Variants in ADD1 observed in about 807,000 individuals in gnomAD.
The protein encoded by ADD1 is adducin 1.
In ADD1, 24 loss-of-function variants were observed where a neutral mutation model predicts 80.5. That is an observed-to-expected ratio of 0.30 (90% confidence interval 0.22 to 0.42). The LOEUF (loss-of-function observed/expected upper bound fraction) is 0.42, where lower values mean the gene tolerates loss of function less well. Among genes scored for constraint, ADD1 ranks in the 10% least tolerant of loss-of-function variants. The pLI, the probability that ADD1 is intolerant of heterozygous loss-of-function variation, is 1.00. For synonymous variants in ADD1, 373 were observed against 393.8 expected, an observed-to-expected ratio of 0.95 and a Z score of 0.63; for missense variants, 948 against 1,019.0, an observed-to-expected ratio of 0.93 and a Z score of 0.95.
At chr4:2,921,762 T>G (rs1336603307) in intron 14 of ADD1, among the ~76,000 whole-genome samples, 1 of 152,188 alleles carries the variant, frequency 6.6e-6, no homozygotes, top group Non-Finnish European at 1.5e-5. Flanking sequence ...CCTGTCACTT[T>G]CAGGCACACC....
At chr4:2,878,596 G>T (rs1293998868) in intron 2 of ADD1, among the ~76,000 whole-genome samples, 2 of 152,172 alleles carry the variant, frequency 1.3e-5, no homozygotes, top group Admixed American at 1.3e-4. Flanking sequence ...AGAGATAAGA[G>T]AGTAAAGTTC....
intron 6 of ADD1, among the ~76,000 whole-genome samples, chr4:2,895,821 C>T (rs1735098491): frequency 6.6e-6 from 1 of 152,176 alleles, no homozygotes; most frequent in Non-Finnish European, 1.5e-5. Flanking sequence ...CTTTTTATCA[C>T]CAATTTTATA....
chr4:2,917,806 CCA>C lies in ADD1; in HGVS notation c.1948+2767_1948+2768del, dbSNP rs533553338. Among the ~76,000 whole-genome samples, 487 of 152,252 alleles carry C rather than the reference CCA, an allele frequency of 3.2e-3. 1 individual carries two copies. Among genetic ancestry groups the C allele is most frequent in the African/African-American group, 0.011 (472 of 41,524 alleles). ...TCCTTTTCCCATTCCTTGTTTTTGTCCAGTTTGTCAAAGATCAGATGGTTGTA... is the reference window on the plus strand; with the variant it reads ...TCCTTTTCCCATTCCTTGTTTTTGTCGTTTGTCAAAGATCAGATGGTTGTA... On this transcript the variant is annotated intron_variant, in intron 14 of 15. Transcript: ENST00000683351.
intron 1 of ADD1, among the ~76,000 whole-genome samples, chr4:2,874,826 T>C (rs767924742): frequency 6.6e-6 from 1 of 152,216 alleles, no homozygotes; most frequent in Non-Finnish European, 1.5e-5. Flanking sequence ...TTCAGCAGCA[T>C]TGGTATCACT....
intron 14 of ADD1, among the ~76,000 whole-genome samples, chr4:2,918,439 T>C (rs1279215648): frequency 1.3e-5 from 2 of 152,208 alleles, no homozygotes; most frequent in Non-Finnish European, 2.9e-5. Flanking sequence ...TTTCCAAATA[T>C]ACAATCATGT....
chr4:2,912,880 T>C (rs781103952), intron 13 of ADD1, among the ~76,000 whole-genome samples: 1 of 152,190 alleles, frequency 6.6e-6, no homozygotes, highest in Admixed American at 6.5e-5. Flanking sequence ...AGTCTTGCTC[T>C]GTTGCCCAGG....
At chr4:2,870,004 C>T (rs973162497) in intron 1 of ADD1, among the ~76,000 whole-genome samples, 3 of 152,198 alleles carry the variant, frequency 2.0e-5, no homozygotes, top group African/African-American at 7.2e-5. Context: ...AGGCATTTTA[C>T]ACGGAGGCTT....
intron 9 of ADD1, chr4:2,902,807 A>C (rs982296398): frequency 2.0e-5 from 3 of 152,154 alleles, no homozygotes; most frequent in African/African-American, 7.2e-5. Flanking sequence ...CAGGTGGGTC[A>C]TGAGGTCAGG....
At chr4:2,850,409 G>C (rs949444116) in intron 1 of ADD1, among the ~76,000 whole-genome samples, 1 of 150,770 alleles carries the variant, frequency 6.6e-6, no homozygotes, top group African/African-American at 2.5e-5. Context: ...CTGGGAACAG[G>C]TGTGTGCCAC....
Position 2,895,122 on chromosome 4 carries a change from G to T in ADD1, c.741+391G>T, listed in dbSNP as rs371850728. Among the ~76,000 whole-genome samples the T allele has an allele frequency of 4.6e-5, 7 of 152,164 alleles. No individual in the cohort carries two copies. The East Asian group carries it at 1.4e-3, about 29-fold the overall frequency. ...AAAAAAAATTAAAAAATTAACCAGT[G>T]TGGTGCGTGCCTGTACTTCCAGCTA... On this transcript the variant is annotated intron_variant, in intron 6 of 15. Coordinates refer to ENST00000683351, the MANE Select transcript of ADD1 (RefSeq NM_001354761.2).
At chr4:2,907,937 G>T (rs1737336474) in intron 11 of ADD1, 93 bp downstream of exon 11, 5 of 957,942 alleles carry the variant, frequency 5.2e-6, no homozygotes, top group Non-Finnish European at 8.4e-6. Flanking sequence ...GCTTCTAGCA[G>T]AGGGCATCTG....
chr4:2,911,332 A>G (rs1224681710), intron 13 of ADD1, among the ~76,000 whole-genome samples: 1 of 152,132 alleles, frequency 6.6e-6, no homozygotes, highest in East Asian at 1.9e-4. Flanking sequence ...GCCTTCTGAT[A>G]GAAGAAGGAA....
intron 11 of ADD1, 121 bp downstream of exon 11, chr4:2,907,965 G>A: frequency 5.3e-6 from 4 of 759,762 alleles, no homozygotes; most frequent in Non-Finnish European, 9.3e-6. Flanking sequence ...TGCCACTGTT[G>A]CAGTGAAGCC....
At chr4:2,891,086 A>T (rs189127358) in intron 4 of ADD1, among the ~76,000 whole-genome samples, 1 of 151,790 alleles carries the variant, frequency 6.6e-6, no homozygotes. Context: ...AAAGTTTGGG[A>T]CCAGCTTGGG....
chr4:2,927,082 A>T (rs1711847749), intron 15 of ADD1, among the ~76,000 whole-genome samples: 1 of 152,218 alleles, frequency 6.6e-6, no homozygotes, highest in African/African-American at 2.4e-5. Context: ...AGCTGGTCCA[A>T]AGGAGGTGGG....
At chr4:2,865,655 C>T (rs1729440594) in intron 1 of ADD1, among the ~76,000 whole-genome samples, 1 of 152,116 alleles carries the variant, frequency 6.6e-6, no homozygotes, top group African/African-American at 2.4e-5. Flanking sequence ...TCTCCCTTAT[C>T]TACAATCCTG....
chr4:2,884,803 C>CA, intron 4 of ADD1, 137 bp downstream of exon 4: 1 of 1,064,288 alleles, frequency 9.4e-7, no homozygotes, highest in Non-Finnish European at 1.3e-6. Flanking sequence ...TTCCTGACTA[C>CA]AGAGTGTAAT....
intron 6 of ADD1, among the ~76,000 whole-genome samples, chr4:2,896,367 C>T (rs1735229877): frequency 6.6e-6 from 1 of 152,048 alleles, no homozygotes; most frequent in Non-Finnish European, 1.5e-5. Flanking sequence ...CACCACCATT[C>T]CCGGCTAATT....
At chr4:2,927,717 T>C (rs1158623041) in intron 15 of ADD1, among the ~76,000 whole-genome samples, 2 of 152,240 alleles carry the variant, frequency 1.3e-5, no homozygotes, top group African/African-American at 4.8e-5. Context: ...GTGGGAGTTA[T>C]GCACGATTTT....
Sources: gnomAD v4.1 joint callset for allele counts (sites outside exome capture counted in the v4.1 genomes callset) on GRCh38, gnomAD v4.1.1 for gene constraint, MANE v1.5 for transcripts, NCBI Gene and HGNC (gene_info 2026-07-23, HGNC 2026-07-21) for gene names.